The following ST6GALNAC3 variants were observed in gnomAD, a reference collection of about 807,000 sequenced individuals.
The protein encoded by ST6GALNAC3 is alpha-N-acetylgalactosaminide alpha-2,6-sialyltransferase 3.
A neutral mutation model predicts 32.7 loss-of-function variants in ST6GALNAC3; 25 were observed. The ratio of observed to expected loss-of-function variants is 0.76; its 90% CI spans 0.56 to 1.07. The LOEUF (loss-of-function observed/expected upper bound fraction) is 1.07. ST6GALNAC3 is among the 50% of genes least tolerant of loss of function. The pLI, the probability that ST6GALNAC3 is intolerant of heterozygous loss-of-function variation, is 0.00. For synonymous variants in ST6GALNAC3, 129 were observed against 133.1 expected (o/e 0.97, Z 0.21); for missense variants, 355 against 382.4 (o/e 0.93, Z 0.60).
At chr1:76,595,252 A>G (rs546935305) in intron 3 of ST6GALNAC3, among the ~76,000 whole-genome samples, 11 of 152,242 alleles carry the variant, frequency 7.2e-5, no homozygotes, top group African/African-American at 2.6e-4. Context: ...TCCTCCTTTC[A>G]GGGAGCAGTC....
chr1:76,123,693 T>A lies in ST6GALNAC3; in HGVS notation c.18+48809T>A, dbSNP rs568652724. On this transcript the variant is annotated intron_variant, in intron 1 of 4. Transcript: ENST00000328299. Reference sequence around the variant, plus strand: ...GAATACTGAATAATAGTGTAACAAATAATAGTAAACACAAGTAGTTCTTAG... The same window carrying A: ...GAATACTGAATAATAGTGTAACAAAAAATAGTAAACACAAGTAGTTCTTAG... 2.0e-5 allele frequency among the ~76,000 whole-genome samples: 3 copies of A among 151,102 alleles called. No homozygotes were observed. In the South Asian group the frequency reaches 6.3e-4, roughly 32 times the overall value.
At chr1:76,492,455 G>A (rs2101696049) in intron 3 of ST6GALNAC3, among the ~76,000 whole-genome samples, 1 of 152,226 alleles carries the variant, frequency 6.6e-6, no homozygotes, top group African/African-American at 2.4e-5. Flanking sequence ...TGAAAATTAA[G>A]CATCTGATTA....
At chr1:76,307,218 CA>C in intron 1 of ST6GALNAC3, among the ~76,000 whole-genome samples, 1 of 152,172 alleles carries the variant, frequency 6.6e-6, no homozygotes. Context: ...ATACCCCTAA[CA>C]AATTAGTGGG....
chr1:76,204,550 G>A (rs1226289180), intron 1 of ST6GALNAC3, among the ~76,000 whole-genome samples: 1 of 152,152 alleles, frequency 6.6e-6, no homozygotes, highest in Non-Finnish European at 1.5e-5. Flanking sequence ...CCACTGTGGA[G>A]GTGGGGATAT....
chr1:76,402,646 C>G (rs571194601), intron 2 of ST6GALNAC3, among the ~76,000 whole-genome samples: 1 of 152,220 alleles, frequency 6.6e-6, no homozygotes, highest in South Asian at 2.1e-4. Context: ...CATTTTTATT[C>G]TCAACTCTCT....
chr1:76,192,491 C>CT (rs1352978300), intron 1 of ST6GALNAC3, among the ~76,000 whole-genome samples: 1 of 152,144 alleles, frequency 6.6e-6, no homozygotes, highest in Non-Finnish European at 1.5e-5. Context: ...GAGAGGCACG[C>CT]TTCAATATTT....
At chr1:76,425,880 G>A (rs1027827208) in intron 3 of ST6GALNAC3, among the ~76,000 whole-genome samples, 2 of 151,916 alleles carry the variant, frequency 1.3e-5, no homozygotes, top group African/African-American at 4.8e-5. Context: ...GTTGCCCACA[G>A]CCCTGTTAAG....
At chr1:76,348,026 C>T (rs9437138) in intron 2 of ST6GALNAC3, among the ~76,000 whole-genome samples, 150,167 of 152,304 alleles carry the variant, frequency 0.99, 74,076 homozygotes, top group East Asian at 1. Flanking sequence ...CAGCAAACTC[C>T]GGTAGTAATT....
chr1:76,344,457 T>C (rs1648324475), intron 2 of ST6GALNAC3, among the ~76,000 whole-genome samples: 1 of 152,208 alleles, frequency 6.6e-6, no homozygotes, highest in Non-Finnish European at 1.5e-5. Flanking sequence ...ATATATGACA[T>C]ACTTTTTCAT....
chr1:76,403,244 A>T (rs984172463), intron 2 of ST6GALNAC3, among the ~76,000 whole-genome samples: 25 of 152,100 alleles, frequency 1.6e-4, no homozygotes, highest in Admixed American at 6.6e-5. Flanking sequence ...TCTGTAGGAA[A>T]TAGAAGTTCT....
chr1:76,590,541 G>GA (rs1259791370), intron 3 of ST6GALNAC3, among the ~76,000 whole-genome samples: 4 of 152,090 alleles, frequency 2.6e-5, no homozygotes, highest in Non-Finnish European at 4.4e-5. Flanking sequence ...TGCTAATACT[G>GA]ACTTACTTCC....
intron 2 of ST6GALNAC3, among the ~76,000 whole-genome samples, chr1:76,325,576 A>G (rs1647052376): frequency 1.3e-5 from 2 of 151,138 alleles, no homozygotes; most frequent in Admixed American, 1.3e-4. Flanking sequence ...ATAGTGTTTA[A>G]TGATATTTAT....
At chr1:76,192,224 C>T (rs1003431747) in intron 1 of ST6GALNAC3, among the ~76,000 whole-genome samples, 2 of 152,124 alleles carry the variant, frequency 1.3e-5, no homozygotes, top group African/African-American at 4.8e-5. Context: ...CCCAAAAAGG[C>T]AGAGCTGCTT....
At chr1:76,505,168 G>T (rs1295222475) in intron 3 of ST6GALNAC3, among the ~76,000 whole-genome samples, 1 of 151,336 alleles carries the variant, frequency 6.6e-6, no homozygotes, top group African/African-American at 2.4e-5. Context: ...CTGTCACCCA[G>T]GCTGGAGTGC....
intron 3 of ST6GALNAC3, chr1:76,412,983 G>T: frequency 2.8e-6 from 1 of 356,620 alleles, no homozygotes; most frequent in Non-Finnish European, 5.5e-6. Flanking sequence ...ATTAGCAGTT[G>T]AATTATTTTA....
At chr1:76,224,323 AT>A (rs1306995555) in intron 1 of ST6GALNAC3, among the ~76,000 whole-genome samples, 1 of 152,190 alleles carries the variant, frequency 6.6e-6, no homozygotes, top group Non-Finnish European at 1.5e-5. Context: ...CAAGGAATGT[AT>A]TCTGTTTATC....
chr1:76,514,924 A>G (rs1251400684), intron 3 of ST6GALNAC3, among the ~76,000 whole-genome samples: 1 of 152,034 alleles, frequency 6.6e-6, no homozygotes, highest in East Asian at 1.9e-4. Context: ...TGCTAGTTTC[A>G]TGTTGAGAAT....
intron 1 of ST6GALNAC3, among the ~76,000 whole-genome samples, chr1:76,127,561 A>G (rs536413372): frequency 6.6e-6 from 1 of 152,320 alleles, no homozygotes; most frequent in South Asian, 2.1e-4. Flanking sequence ...AACATTTATT[A>G]TGTGCTTCTG....
chr1:76,524,169 T>C (rs1177807233), intron 3 of ST6GALNAC3, among the ~76,000 whole-genome samples: 1 of 152,226 alleles, frequency 6.6e-6, no homozygotes, highest in East Asian at 1.9e-4. Context: ...TCTGTTCTTA[T>C]TTATATCAAA....
Sources: gnomAD v4.1 joint callset for allele counts (sites outside exome capture counted in the v4.1 genomes callset) on GRCh38, gnomAD v4.1.1 for gene constraint, MANE v1.5 for transcripts, NCBI Gene and HGNC (gene_info 2026-07-23, HGNC 2026-07-21) for gene names.